The following TG variants were observed in gnomAD, a reference collection of about 807,000 sequenced individuals.
TG encodes thyroid hormones.
In TG, 270 loss-of-function variants were observed where a neutral mutation model predicts 324.7. The ratio of observed to expected loss-of-function variants is 0.83; its 90% confidence interval spans 0.75 to 0.92. The LOEUF (loss-of-function observed/expected upper bound fraction) is 0.92. Among genes scored for constraint, TG ranks in the 40% least tolerant of loss-of-function variants. The pLI is 0.00. For missense variants in TG, 3,591 were observed against 3,456.4 expected (o/e 1.04, Z -0.98); for synonymous variants, 1,401 against 1,327.0 (o/e 1.06, Z -1.21).
intron 35 of TG, among the ~76,000 whole-genome samples, chr8:132,987,156 A>G (rs1022010897): frequency 6.6e-6 from 1 of 152,242 alleles, no homozygotes; most frequent in Non-Finnish European, 1.5e-5. Context: ...ATGAGATGTC[A>G]CAGTGCTTGT....
intron 34 of TG, among the ~76,000 whole-genome samples, chr8:132,979,401 C>T (rs1329959365): frequency 3.9e-5 from 6 of 152,196 alleles, no homozygotes; most frequent in Non-Finnish European, 8.8e-5. Context: ...TTTGGACCCT[C>T]TTGCAATTCT....
intron 43 of TG, among the ~76,000 whole-genome samples, chr8:133,107,167 C>A (rs573419422): frequency 6.6e-6 from 1 of 152,178 alleles, no homozygotes; most frequent in East Asian, 1.9e-4. Context: ...ACAGGCATAT[C>A]CACTGAACAC....
chr8:132,954,000 A>G (rs1045227921), intron 27 of TG, among the ~76,000 whole-genome samples: 12 of 151,246 alleles, frequency 7.9e-5, no homozygotes, highest in Non-Finnish European at 1.8e-4. Context: ...TTTGATAGAA[A>G]AAAAAAAAAG....
chr8:132,956,163 G>A (rs1826829128), intron 27 of TG, among the ~76,000 whole-genome samples: 1 of 152,226 alleles, frequency 6.6e-6, no homozygotes, highest in South Asian at 2.1e-4. Context: ...AGGGTCAGAA[G>A]TCTGTTTAGA....
chr8:133,109,318 T>C (rs1850078268), intron 43 of TG, among the ~76,000 whole-genome samples: 1 of 152,182 alleles, frequency 6.6e-6, no homozygotes, highest in African/African-American at 2.4e-5. Flanking sequence ...TTTATCAAGA[T>C]TTCAGTCTAC....
chr8:133,132,976 A>G (rs910504685), intron 46 of TG, among the ~76,000 whole-genome samples: 11 of 152,210 alleles, frequency 7.2e-5, no homozygotes, highest in African/African-American at 2.7e-4. Context: ...TTTGGGCTAC[A>G]TGGCAGGGCA....
At chr8:132,913,827 G>T (rs990683244) in intron 20 of TG, among the ~76,000 whole-genome samples, 1 of 152,150 alleles carries the variant, frequency 6.6e-6, no homozygotes, top group African/African-American at 2.4e-5. Context: ...CAATACAGAT[G>T]TATTATCTTA....
At chr8:133,041,793 T>TC (rs1404565733) in intron 41 of TG, among the ~76,000 whole-genome samples, 2 of 148,878 alleles carry the variant, frequency 1.3e-5, no homozygotes, top group East Asian at 3.9e-4. Flanking sequence ...AGTTTTTTTT[T>TC]TTTTTTTTTT....
chr8:133,018,304 G>T (rs1835242832), intron 38 of TG, among the ~76,000 whole-genome samples: 1 of 152,272 alleles, frequency 6.6e-6, no homozygotes, highest in South Asian at 2.1e-4. Flanking sequence ...AATCTTCCAA[G>T]GTCCCCTGGA....
At chr8:133,020,528 C>A (rs1564080325) in intron 39 of TG, among the ~76,000 whole-genome samples, 1 of 152,098 alleles carries the variant, frequency 6.6e-6, no homozygotes, top group African/African-American at 2.4e-5. Context: ...GACACAGGGC[C>A]CCTTCACTGA....
chr8:133,077,807 G>A (rs1005473867), intron 41 of TG, among the ~76,000 whole-genome samples: 2 of 151,952 alleles, frequency 1.3e-5, no homozygotes, highest in African/African-American at 4.8e-5. Context: ...GGGCTGACCT[G>A]TGCATTGGAG....
intron 18 of TG, among the ~76,000 whole-genome samples, chr8:132,910,309 G>A (rs538528687): frequency 1.2e-4 from 18 of 152,126 alleles, no homozygotes; most frequent in Non-Finnish European, 2.6e-4. Context: ...GAAGGCTGAG[G>A]GCCAGGGCCA....
chr8:133,109,423 C>A (rs1011737102), intron 43 of TG, among the ~76,000 whole-genome samples: 4 of 152,140 alleles, frequency 2.6e-5, no homozygotes, highest in African/African-American at 7.2e-5. Flanking sequence ...GAACAGCAGG[C>A]GCAAAGGCTT....
rs36210010 is a variant in TG, at chr8:133,055,824, C to CCAGCAGCAGCAG, written c.7239+25838_7239+25849dup. ...ATTCCCTTCCTCCCCCTCCTCATCA[C>CCAGCAGCAGCAG]CAGCAGCAGCAGCAGCAGCAGCAGC... On this transcript the variant is annotated intron_variant, in intron 41 of 47. Transcript: ENST00000220616. 6.6e-5 allele frequency among the ~76,000 whole-genome samples: 10 copies of CCAGCAGCAGCAG among 150,884 alleles called. No homozygotes were observed. In the South Asian group the frequency reaches 1.5e-3, roughly 22 times the overall value.
chr8:132,938,462 G>A (rs904885365), intron 25 of TG, among the ~76,000 whole-genome samples: 5 of 152,146 alleles, frequency 3.3e-5, no homozygotes, highest in African/African-American at 1.2e-4. Flanking sequence ...TACTACATGT[G>A]ACATCAAAGT....
chr8:133,028,573 C>T (rs1836320384), intron 40 of TG, among the ~76,000 whole-genome samples: 1 of 152,136 alleles, frequency 6.6e-6, no homozygotes, highest in Admixed American at 6.5e-5. Context: ...GGTTCTGTTC[C>T]CTTTACAAAT....
At chr8:133,094,231 C>T (rs567327080) in intron 41 of TG, among the ~76,000 whole-genome samples, 2 of 146,110 alleles carry the variant, frequency 1.4e-5, no homozygotes, top group South Asian at 4.3e-4. Context: ...AAAGAAGAAA[C>T]CTGTCGTTTT....
intron 8 of TG, among the ~76,000 whole-genome samples, chr8:132,884,807 C>A (rs895128336): frequency 6.6e-6 from 1 of 152,176 alleles, no homozygotes; most frequent in Admixed American, 6.5e-5. Flanking sequence ...TCTGTGGAAA[C>A]AAATGCCACA....
chr8:132,966,829 A>G (rs973118340), intron 30 of TG, 132 bp downstream of exon 30: 16 of 1,115,216 alleles, frequency 1.4e-5, no homozygotes, highest in Non-Finnish European at 1.9e-5. Context: ...TGTGGATGAT[A>G]TAAAAGAAAG....
Sources: gnomAD v4.1 joint callset for allele counts (sites outside exome capture counted in the v4.1 genomes callset) on GRCh38, gnomAD v4.1.1 for gene constraint, MANE v1.5 for transcripts, NCBI Gene and HGNC (gene_info 2026-07-23, HGNC 2026-07-21) for gene names.